The following ST8SIA1 variants were observed in gnomAD, a reference collection of about 807,000 sequenced individuals.
ST8SIA1 encodes the protein alpha-N-acetylneuraminide alpha-2,8-sialyltransferase.
In ST8SIA1, 16 loss-of-function variants were observed where a neutral mutation model predicts 35.9. That is an observed-to-expected ratio of 0.45 (90% CI 0.30 to 0.68). ST8SIA1 has a LOEUF of 0.68. Among genes scored for constraint, ST8SIA1 ranks in the 30% least tolerant of loss-of-function variants. The pLI is 0.09. For synonymous variants in ST8SIA1, 170 were observed against 169.6 expected (o/e 1.00, Z -0.02); for missense variants, 383 against 453.6 (o/e 0.84, Z 1.41).
intron 1 of ST8SIA1, among the ~76,000 whole-genome samples, chr12:22,331,200 CT>C (rs898613898): frequency 6.6e-6 from 1 of 152,012 alleles, no homozygotes; most frequent in Admixed American, 6.5e-5. Flanking sequence ...GAAACACTCC[CT>C]TTTCTCTTCA....
chr12:22,264,986 A>C (rs1865830088), intron 2 of ST8SIA1, among the ~76,000 whole-genome samples: 1 of 152,242 alleles, frequency 6.6e-6, no homozygotes, highest in Admixed American at 6.5e-5. Context: ...ATAACACAAA[A>C]GCATTCCAAA....
At position 22,200,207 on chromosome 12, in the gene ST8SIA1, G is replaced by T. The variant is rs1865034890; in HGVS notation, c.*1345C>A. 1.3e-5 allele frequency: 2 copies of T among 152,162 alleles called. No individual in the cohort carries two copies. Among genetic ancestry groups the T allele is most frequent in the South Asian group, 4.1e-4 (2 of 4,830 alleles). The allele number at this position is 152,162 out of a possible 1,614,324, so 9.4% of individuals were successfully genotyped here. A position where few individuals can be genotyped will look rare whatever the true frequency, so the allele number is the denominator to read the frequency against. ...TCTGCTCATTCCGGGTAAGCATTTG[G>T]GGGTAAGACTTGCATCTTGTGCTGC... On this transcript the variant is annotated 3_prime_UTR_variant, in exon 5 of 5. Transcript: ENST00000396037.
chr12:22,213,358 A>G (rs1169717809), intron 4 of ST8SIA1, among the ~76,000 whole-genome samples: 1 of 152,212 alleles, frequency 6.6e-6, no homozygotes, highest in African/African-American at 2.4e-5. Context: ...GGCAAGAAGA[A>G]TTTGTTGGGC....
intron 1 of ST8SIA1, among the ~76,000 whole-genome samples, chr12:22,317,410 T>A (rs1866534490): frequency 1.3e-5 from 2 of 152,200 alleles, no homozygotes; most frequent in South Asian, 4.1e-4. Context: ...CAGGAGTATC[T>A]CAGCTGGAGG....
intron 4 of ST8SIA1, among the ~76,000 whole-genome samples, chr12:22,240,834 C>G (rs1308202326): frequency 2.6e-5 from 4 of 151,986 alleles, no homozygotes; most frequent in Admixed American, 1.3e-4. Context: ...TCAGGTTATA[C>G]CTCAAAATAA....
chr12:22,292,694 C>G (rs1057505657), intron 1 of ST8SIA1, among the ~76,000 whole-genome samples: 2 of 152,112 alleles, frequency 1.3e-5, no homozygotes, highest in Non-Finnish European at 1.5e-5. Flanking sequence ...AAGCTAAACA[C>G]TGGGTACACA....
Position 22,279,296 on chromosome 12 carries a change from T to A in ST8SIA1, c.381+7853A>T, listed in dbSNP as rs1485242857. ...GGTATGGCTCTAGTAACTTGGTTTA[T>A]GACTTAATTTCAAAACATAACCCCA... On this transcript the variant is annotated intron_variant, in intron 2 of 4. Transcript: ENST00000396037. 3.3e-5 allele frequency among the ~76,000 whole-genome samples: 5 copies of A among 152,218 alleles called. No homozygotes were observed. The East Asian group carries it at 9.6e-4, about 29-fold the overall frequency.
chr12:22,278,129 T>C (rs1022124344), intron 2 of ST8SIA1, among the ~76,000 whole-genome samples: 5 of 152,236 alleles, frequency 3.3e-5, no homozygotes, highest in African/African-American at 1.2e-4. Context: ...ATAGTTGTGC[T>C]GGCAGCAGGG....
At chr12:22,210,452 GT>G (rs895313245) in intron 4 of ST8SIA1, among the ~76,000 whole-genome samples, 1 of 152,028 alleles carries the variant, frequency 6.6e-6, no homozygotes, top group Admixed American at 6.6e-5. Context: ...CTATATGTGG[GT>G]TTTTTCCCCC....
chr12:22,300,060 A>G (rs958914819), intron 1 of ST8SIA1, among the ~76,000 whole-genome samples: 1 of 152,188 alleles, frequency 6.6e-6, no homozygotes, highest in African/African-American at 2.4e-5. Flanking sequence ...GCTTAGAAAT[A>G]AAACTAAGAT....
In ST8SIA1 at chr12:22,201,765, G is replaced by A. The variant is rs1330575027; in HGVS notation, c.858C>T (p.Leu286=). 1.2e-6 allele frequency: 2 copies of A among 1,614,114 alleles called. No homozygotes were observed. Among genetic ancestry groups the A allele is most frequent in the Admixed American group, 1.7e-5 (1 of 60,010 alleles). The stretch of plus-strand genomic sequence containing the variant: ...AGCCATAGATGGCCACCTCTTCACA[G>A]AGACCCAGAGCTGCGCTCACCAGAA... The part of the protein sequence containing the change: ...GLFLVSAALG[L]CEEVAIYGFW... Residue 286 remains leucine (L), a synonymous_variant, in exon 5 of 5, where the codon CTC becomes CTT. Coordinates refer to ENST00000396037, the MANE Select transcript of ST8SIA1 (RefSeq NM_003034.4).
chr12:22,248,870 C>T (rs1476585876), intron 4 of ST8SIA1, 136 bp downstream of exon 4: 8 of 591,010 alleles, frequency 1.4e-5, no homozygotes, highest in Non-Finnish European at 2.1e-5. Context: ...TTTACAATTC[C>T]CTTCATCCTT....
chr12:22,305,816 G>A (rs1490881834), intron 1 of ST8SIA1, among the ~76,000 whole-genome samples: 1 of 151,900 alleles, frequency 6.6e-6, no homozygotes, highest in Non-Finnish European at 1.5e-5. Context: ...TCTTTGCTTG[G>A]GTAATTTTTA....
chr12:22,281,982 T>C (rs61924164), intron 2 of ST8SIA1, among the ~76,000 whole-genome samples: 8,214 of 151,966 alleles, frequency 0.054, 332 homozygotes, highest in East Asian at 0.15. Context: ...GCATTTTTAG[T>C]TTATCAAACA....
intron 1 of ST8SIA1, among the ~76,000 whole-genome samples, chr12:22,320,636 G>A (rs1372993503): frequency 6.6e-6 from 1 of 152,002 alleles, no homozygotes; most frequent in Admixed American, 6.5e-5. Flanking sequence ...CTTCAGCCCA[G>A]GAGTTCGAGA....
At chr12:22,238,179 G>A (rs1410908947) in intron 4 of ST8SIA1, among the ~76,000 whole-genome samples, 1 of 152,150 alleles carries the variant, frequency 6.6e-6, no homozygotes, top group Admixed American at 6.5e-5. Context: ...CCCAACAAGA[G>A]GTGGATCTGT....
chr12:22,264,132 C>T (rs753888533), intron 2 of ST8SIA1, among the ~76,000 whole-genome samples: 4 of 152,164 alleles, frequency 2.6e-5, no homozygotes, highest in Non-Finnish European at 5.9e-5. Context: ...ATTATATCCT[C>T]AACTTAGGCA....
At chr12:22,304,334 C>CTTTTTTT (rs3063802) in intron 1 of ST8SIA1, among the ~76,000 whole-genome samples, 21 of 106,234 alleles carry the variant, frequency 2.0e-4, no homozygotes, top group East Asian at 5.4e-4. Flanking sequence ...TTTTCTTTTT[C>CTTTTTTT]TTTTTTTTTT....
chr12:22,322,596 C>T (rs1866615699), intron 1 of ST8SIA1, among the ~76,000 whole-genome samples: 1 of 152,168 alleles, frequency 6.6e-6, no homozygotes, highest in Non-Finnish European at 1.5e-5. Flanking sequence ...TTGAGACAGA[C>T]ATATATCAAC....
Sources: allele counts gnomAD v4.1 joint callset (sites outside exome capture counted in the v4.1 genomes callset), GRCh38; gene constraint gnomAD v4.1.1; transcripts MANE v1.5; gene names NCBI Gene and HGNC (gene_info 2026-07-23, HGNC 2026-07-21).